SERPINA9: variants seen among roughly 807,000 people sequenced by gnomAD.
SERPINA9 encodes the protein serpin A9.
Under a neutral mutation model 24.5 loss-of-function variants are expected in SERPINA9, and 32 were observed. The observed-to-expected ratio is 1.30, with a 90% CI of 0.98 to 1.75. SERPINA9 has a LOEUF of 1.75. SERPINA9 is among the 40% of genes most tolerant of loss of function. The pLI is 0.00. For missense variants in SERPINA9, 594 were observed against 497.1 expected, an observed-to-expected ratio of 1.19 and a Z score of -1.85; for synonymous variants, 233 against 197.7, an observed-to-expected ratio of 1.18 and a Z score of -1.50.
In SERPINA9 at chr14:94,469,695, G is replaced by A. The variant is rs747519683; in HGVS notation, c.146C>T (p.Thr49Ile). ...TPASQVYSLNTDFAFRLYRRL... is the reference protein window; with the variant it reads ...TPASQVYSLNIDFAFRLYRRL... Reference sequence around the variant, plus strand: ...GCGGTATAGGCGGAAGGCAAAGTCGGTGTTGAGGGAATACACCTGTGAGGC... The same window carrying A: ...GCGGTATAGGCGGAAGGCAAAGTCGATGTTGAGGGAATACACCTGTGAGGC... Residue 49 changes from threonine (T) to isoleucine (I), a missense_variant, in exon 2 of 5, where the codon ACC becomes ATC. Physicochemically the swap from Thr to Ile is moderately conservative, Grantham distance 89. Transcript: ENST00000674397. 3.1e-6 allele frequency: 5 copies of A among 1,612,008 alleles called. No homozygotes were observed. The highest frequency in any genetic ancestry group is 4.2e-6 in the Non-Finnish European group (5 of 1,178,614).
At position 94,469,531 on chromosome 14, in the gene SERPINA9, G is replaced by A. The variant is rs1455779027; in HGVS notation, c.310C>T (p.His104Tyr). ...ILQGLGFNLT[H>Y]TPESAIHQGF... ...TGGTGGATGGCAGACTCTGGTGTGT[G>A]TGTGAGGTTGAAGCCCAGGCCCTGG... The change falls in exon 2 of 5, where the codon CAC (histidine) becomes TAC (tyrosine). Residue 104 changes from histidine to tyrosine, a missense_variant. Physicochemically the swap from His to Tyr is moderately conservative, Grantham distance 83. Coordinates refer to ENST00000674397, the MANE Select transcript of SERPINA9 (RefSeq NM_175739.4). 4 of 1,614,214 alleles carry A rather than the reference G, an allele frequency of 2.5e-6. No homozygotes were observed. The highest frequency in any genetic ancestry group is 2.5e-6 in the Non-Finnish European group (3 of 1,180,040).
At chr14:94,471,299 G>A (rs1899305768) in intron 1 of SERPINA9, among the ~76,000 whole-genome samples, 1 of 152,094 alleles carries the variant, frequency 6.6e-6, no homozygotes, top group African/African-American at 2.4e-5. Context: ...CAGTCAATAA[G>A]TGAACAATTA....
At position 94,462,784 on chromosome 14, in the gene SERPINA9, C is replaced by G. The variant is rs1436352159; in HGVS notation, c.*309G>C. On this transcript the variant is annotated 3_prime_UTR_variant, in exon 5 of 5. Coordinates refer to ENST00000674397, the MANE Select transcript of SERPINA9 (RefSeq NM_175739.4). Reference sequence around the variant, plus strand: ...TTATTGTAATTCTGCAATAGAGGTGCCTAACCTGGGTTGGCGTATTTCCAT... The same window carrying G: ...TTATTGTAATTCTGCAATAGAGGTGGCTAACCTGGGTTGGCGTATTTCCAT... 5.6e-6 allele frequency: 2 copies of G among 356,862 alleles called. No individual in the cohort carries two copies. Among genetic ancestry groups the G allele is most frequent in the African/African-American group, 4.1e-5 (2 of 48,258 alleles). The allele number at this position is 356,862 out of a possible 1,614,324, so 22.1% of individuals were successfully genotyped here.
In SERPINA9 at chr14:94,462,792, G is replaced by C. The variant is rs1898800348; in HGVS notation, c.*301C>G. 5.3e-6 allele frequency: 2 copies of C among 379,584 alleles called. No homozygotes were observed. Among genetic ancestry groups the C allele is most frequent in the African/African-American group, 2.0e-5 (1 of 48,982 alleles). The allele number at this position is 379,584 out of a possible 1,614,324, so 23.5% of individuals were successfully genotyped here. A position where few individuals can be genotyped will look rare whatever the true frequency, so the allele number is the denominator to read the frequency against. ...ATTCTGCAATAGAGGTGCCTAACCT[G>C]GGTTGGCGTATTTCCATTCCTGGGA... On this transcript the variant is annotated 3_prime_UTR_variant, in exon 5 of 5. Transcript: ENST00000674397.
Position 94,469,280 on chromosome 14 carries a change from A to C in SERPINA9, c.561T>G (p.Val187=), listed in dbSNP as rs1899173899. ...GGTCAAGGCCTTGGATTATGTCTACAACCTTCCCTTGGGTCTTCTTTTTCA... is the reference window on the plus strand; with the variant it reads ...GGTCAAGGCCTTGGATTATGTCTACCACCTTCCCTTGGGTCTTCTTTTTCA... The part of the protein sequence containing the change: ...SHVKKKTQGK[V]VDIIQGLDLL... Residue 187 remains valine, a synonymous_variant, in exon 2 of 5, where the codon GTT becomes GTG. Coordinates refer to ENST00000674397, the MANE Select transcript of SERPINA9 (RefSeq NM_175739.4). 2.5e-6 allele frequency: 4 copies of C among 1,607,732 alleles called. No individual in the cohort carries two copies. In the East Asian group the frequency reaches 8.9e-5, roughly 36 times the overall value.
At chr14:94,469,124 G>C (rs919455179) in intron 2 of SERPINA9, 89 bp downstream of exon 2, 3 of 1,210,964 alleles carry the variant, frequency 2.5e-6, no homozygotes, top group African/African-American at 1.5e-5. Flanking sequence ...TGCAGTCTAG[G>C]GTTTGTCTGG....
intron 1 of SERPINA9, among the ~76,000 whole-genome samples, chr14:94,473,936 A>G (rs1269925801): frequency 1.3e-5 from 2 of 152,264 alleles, no homozygotes; most frequent in African/African-American, 4.8e-5. Context: ...AGGGCGAGAC[A>G]ACGTCTGCAG....
At chr14:94,473,562 G>A (rs1899432614) in intron 1 of SERPINA9, among the ~76,000 whole-genome samples, 1 of 151,302 alleles carries the variant, frequency 6.6e-6, no homozygotes, top group South Asian at 2.1e-4. Flanking sequence ...AAAAAACCAG[G>A]GAGGTGAAAT....
At position 94,463,209 on chromosome 14, in the gene SERPINA9, C is replaced by T. The variant is rs1306111241; in HGVS notation, c.1138G>A (p.Asp380Asn). The change falls in exon 5 of 5, where the codon GAT becomes AAT. Residue 380 changes from aspartate (D) to asparagine (N), a missense_variant. Coordinates refer to ENST00000674397, the MANE Select transcript of SERPINA9 (RefSeq NM_175739.4). ...TTTKFIVRSKDGPSYFTVSFN... is the reference protein window; with the variant it reads ...TTTKFIVRSKNGPSYFTVSFN... ...GAGACAGTGAAGTAAGAGGGGCCAT[C>T]CTTCGATCGGACTATGAACTTGGTG... 8 of 1,614,154 alleles carry T rather than the reference C, an allele frequency of 5.0e-6. No individual in the cohort carries two copies. The highest frequency in any genetic ancestry group is 6.8e-6 in the Non-Finnish European group (8 of 1,179,968).
intron 1 of SERPINA9, chr14:94,470,116 T>A: frequency 9.8e-7 from 1 of 1,018,124 alleles, no homozygotes. Flanking sequence ...CTTGTCTGTG[T>A]TCTGTGTGGG....
At chr14:94,470,207 AT>A (rs1416046776) in intron 1 of SERPINA9, 6 of 1,023,752 alleles carry the variant, frequency 5.9e-6, no homozygotes, top group Non-Finnish European at 3.5e-6. Flanking sequence ...AGAATTGAGT[AT>A]GTGAACCCAG....
At chr14:94,471,381 G>A (rs575612699) in intron 1 of SERPINA9, among the ~76,000 whole-genome samples, 55 of 152,156 alleles carry the variant, frequency 3.6e-4, no homozygotes, top group Non-Finnish European at 6.6e-4. Context: ...GCCACACATA[G>A]TCACTTGTCT....
chr14:94,475,929 A>G (rs190825160), intron 1 of SERPINA9: 4 of 639,560 alleles, frequency 6.3e-6, no homozygotes, highest in Admixed American at 3.0e-5. Flanking sequence ...CTTACCTCCA[A>G]CTCACTCACT....
chr14:94,473,292 G>A (rs924970946), intron 1 of SERPINA9, among the ~76,000 whole-genome samples: 2 of 152,178 alleles, frequency 1.3e-5, no homozygotes, highest in Non-Finnish European at 2.9e-5. Context: ...TTCGAGGCAG[G>A]TGGATCACCT....
At position 94,469,416 on chromosome 14, in the gene SERPINA9, AG is replaced by A. The variant is rs771978564; in HGVS notation, c.424del (p.Leu142CysfsTer38). 1 of 1,613,954 alleles carries A rather than the reference AG, an allele frequency of 6.2e-7. No homozygotes were observed. The highest frequency in any genetic ancestry group is 1.1e-5 in the South Asian group (1 of 91,084). ...GCCCAAGAAATTTGCCTGCAGCTGCAGCTCCTTCTTGACGAAGAGGGCACTT... is the reference window on the plus strand; with the variant it reads ...GCCCAAGAAATTTGCCTGCAGCTGCACTCCTTCTTGACGAAGAGGGCACTT... The part of the protein sequence containing the change: ...MGSALFVKKE[L>X]QLQANFLGNV... On this transcript the variant is annotated frameshift_variant, in exon 2 of 5. Transcript: ENST00000674397. LOFTEE classifies it high-confidence loss of function.
At position 94,467,358 on chromosome 14, in the gene SERPINA9, G is replaced by C. The variant is rs17090921; in HGVS notation, c.653C>G (p.Pro218Arg). ...FKAKWEKPFH[P>R]EYTRKNFPFL... The stretch of plus-strand genomic sequence containing the variant: ...TGGGAAGTTCTTTCTTGTATATTCA[G>C]GGTGAAAGGGCTTCTCCCACTTGGC... The change falls in exon 3 of 5, where the codon CCT becomes CGT. Residue 218 changes from proline to arginine, a missense_variant. Physicochemically the swap from Pro to Arg is moderately radical, Grantham distance 103. Coordinates refer to ENST00000674397, the MANE Select transcript of SERPINA9 (RefSeq NM_175739.4). 1.2e-6 allele frequency: 2 copies of C among 1,611,108 alleles called. No individual in the cohort carries two copies. Among genetic ancestry groups the C allele is most frequent in the South Asian group, 2.2e-5 (2 of 90,944 alleles).
chr14:94,473,930 C>T (rs80232622), intron 1 of SERPINA9, among the ~76,000 whole-genome samples: 1,530 of 152,352 alleles, frequency 0.01, 26 homozygotes, highest in African/African-American at 0.035. Context: ...TGAGGAAGGG[C>T]GAGACAACGT....
Position 94,464,828 on chromosome 14 carries a change from A to T in SERPINA9, c.929T>A (p.Phe310Tyr). The T allele has an allele frequency of 6.2e-7, 1 of 1,613,920 alleles. No individual in the cohort carries two copies. Among genetic ancestry groups the T allele is most frequent in the South Asian group, 1.1e-5 (1 of 91,068 alleles). ...CAGATTGTAGGAGGCAGAAATGGAA[A>T]ATCTGGGGATGAACACCTCTATCCA... ...KRWIEVFIPR[F>Y]SISASYNLET... Residue 310 changes from phenylalanine to tyrosine, a missense_variant, in exon 4 of 5, where the codon TTT becomes TAT. Phe to Tyr is a conservative substitution (Grantham distance 22). Coordinates refer to ENST00000674397, the MANE Select transcript of SERPINA9 (RefSeq NM_175739.4).
At chr14:94,466,382 C>T (rs1215721749) in intron 3 of SERPINA9, among the ~76,000 whole-genome samples, 3 of 152,212 alleles carry the variant, frequency 2.0e-5, no homozygotes, top group Admixed American at 6.5e-5. Flanking sequence ...CCTGCCCTCC[C>T]GTGGGGCATT....
Sources: allele counts gnomAD v4.1 joint callset (sites outside exome capture counted in the v4.1 genomes callset), GRCh38; gene constraint gnomAD v4.1.1; transcripts MANE v1.5; gene names NCBI Gene and HGNC (gene_info 2026-07-23, HGNC 2026-07-21).